Variants in DST observed in about 807,000 individuals in gnomAD.
The protein encoded by DST is bullous pemphigoid antigen.
In DST, 253 loss-of-function variants were observed where a neutral mutation model predicts 875.2. The ratio of observed to expected loss-of-function variants is 0.29; its 90% CI spans 0.26 to 0.32. DST has a LOEUF of 0.32. Ranked by LOEUF, DST falls within the 10% of genes least tolerant of loss-of-function variation. The pLI is 1.00. For synonymous variants in DST, 3,124 were observed against 3,197.1 expected, an observed-to-expected ratio of 0.98 and a Z score of 0.77; for missense variants, 8,287 against 9,111.6, an observed-to-expected ratio of 0.91 and a Z score of 3.68.
intron 4 of DST, among the ~76,000 whole-genome samples, chr6:56,797,316 C>A (rs565918566): frequency 2.0e-5 from 3 of 152,284 alleles, no homozygotes; most frequent in African/African-American, 7.2e-5. Flanking sequence ...TTCCCTGAAA[C>A]ACAACAGTAT....
At chr6:56,804,706 T>G (rs1352397068) in intron 4 of DST, among the ~76,000 whole-genome samples, 2 of 150,922 alleles carry the variant, frequency 1.3e-5, no homozygotes, top group Admixed American at 1.3e-4. Flanking sequence ...CCTCCCCAGA[T>G]CTTGTTAGAG....
At chr6:56,886,145 T>C (rs1264932918) in intron 3 of DST, among the ~76,000 whole-genome samples, 3 of 152,180 alleles carry the variant, frequency 2.0e-5, no homozygotes, top group Admixed American at 6.5e-5. Flanking sequence ...ATGAGTCACA[T>C]TGGGATACTG....
intron 4 of DST, among the ~76,000 whole-genome samples, chr6:56,824,143 C>T (rs1033995491): frequency 2.6e-5 from 4 of 151,554 alleles, no homozygotes; most frequent in Non-Finnish European, 4.4e-5. Context: ...CGAGTGCCTG[C>T]GATTGCAGGC....
At chr6:56,618,023 C>T in intron 36 of DST, 1 of 1,614,126 alleles carries the variant, frequency 6.2e-7, no homozygotes, top group Middle Eastern at 1.6e-4. Context: ...TTCCATTTCA[C>T]ATGCGTTATC....
chr6:56,599,221 C>G (rs560391227), intron 45 of DST, among the ~76,000 whole-genome samples: 42 of 152,190 alleles, frequency 2.8e-4, no homozygotes, highest in South Asian at 1.0e-3. Context: ...AGATTAAGAT[C>G]TCTCCTTAGT....
At chr6:56,688,805 C>T (rs540579743) in intron 9 of DST, among the ~76,000 whole-genome samples, 2 of 152,222 alleles carry the variant, frequency 1.3e-5, no homozygotes, top group Admixed American at 6.5e-5. Context: ...AAAAGAGCTA[C>T]GTTTTACTTA....
intron 99 of DST, among the ~76,000 whole-genome samples, chr6:56,465,697 G>A (rs1254994223): frequency 6.6e-6 from 1 of 151,840 alleles, no homozygotes; most frequent in Non-Finnish European, 1.5e-5. Context: ...TTATTATCCA[G>A]TATTTTCGGT....
chr6:56,736,469 T>C (rs1009336354), intron 4 of DST, among the ~76,000 whole-genome samples: 1 of 152,182 alleles, frequency 6.6e-6, no homozygotes, highest in Non-Finnish European at 1.5e-5. Flanking sequence ...CAGCAATTCC[T>C]TACTTTCTTA....
intron 4 of DST, among the ~76,000 whole-genome samples, chr6:56,780,326 G>A (rs2099690393): frequency 6.6e-6 from 1 of 151,926 alleles, no homozygotes; most frequent in South Asian, 2.1e-4. Flanking sequence ...GGTTGAACTA[G>A]TTTACAGTCC....
At chr6:56,717,775 A>G (rs2099400352) in intron 5 of DST, among the ~76,000 whole-genome samples, 1 of 144,964 alleles carries the variant, frequency 6.9e-6, no homozygotes, top group Admixed American at 6.8e-5. Flanking sequence ...ACCAATCTGC[A>G]GAAAGCACCC....
chr6:56,871,084 G>C, intron 3 of DST: 1 of 515,834 alleles, frequency 1.9e-6, no homozygotes. Context: ...ACATTTTGCA[G>C]AAGAGAAAAC....
At chr6:56,671,973 C>T (rs144773544) in intron 9 of DST, among the ~76,000 whole-genome samples, 2 of 152,122 alleles carry the variant, frequency 1.3e-5, no homozygotes, top group Non-Finnish European at 2.9e-5. Context: ...AAGCAGATAA[C>T]GTTTAGGACC....
chr6:56,891,493 G>A (rs183866426), intron 3 of DST, among the ~76,000 whole-genome samples: 2 of 151,778 alleles, frequency 1.3e-5, no homozygotes, highest in Non-Finnish European at 2.9e-5. Context: ...CGTGAACCGG[G>A]AGGTGGAGCT....
intron 3 of DST, among the ~76,000 whole-genome samples, chr6:56,883,646 T>C (rs926076270): frequency 6.6e-6 from 1 of 152,190 alleles, no homozygotes; most frequent in Non-Finnish European, 1.5e-5. Context: ...CCTTTCATTA[T>C]GGAAAATTTT....
intron 3 of DST, among the ~76,000 whole-genome samples, chr6:56,892,080 A>C (rs1441500212): frequency 1.3e-5 from 2 of 152,194 alleles, no homozygotes. Context: ...TGTACCCTGC[A>C]CATGTTTAAT....
rs1272703082 is a variant in DST at position 56,594,067 on chromosome 6, T to A, written c.12322A>T (p.Met4108Leu). 6.2e-7 allele frequency: 1 copy of A among 1,612,830 alleles called. No homozygotes were observed. The highest frequency in any genetic ancestry group is 1.1e-5 in the South Asian group (1 of 90,708). Residue 4108 changes from methionine to leucine, a missense_variant, in exon 48 of 104, where the codon ATG becomes TTG. By Grantham distance (15) the Met-to-Leu change is conservative. This residue lies in a region of DST where 1,513 missense variants were observed against 1,677.8 expected (regional missense o/e 0.90). Transcript: ENST00000680361. ...TCATAATGCACTTTCAGTTCCTTCA[T>A]GTTCTTTTGCAGTTTCTCTTTTTCT... ...PEEKEKLQKNMKELKVHYETA... is the reference protein window; with the variant it reads ...PEEKEKLQKNLKELKVHYETA...
chr6:56,800,831 C>T (rs1027027111), intron 4 of DST, among the ~76,000 whole-genome samples: 2 of 152,040 alleles, frequency 1.3e-5, no homozygotes, highest in African/African-American at 4.8e-5. Flanking sequence ...CCAGCCTGGG[C>T]AACATGGTGA....
At chr6:56,622,060 A>C (rs1051195762) in intron 36 of DST, among the ~76,000 whole-genome samples, 8 of 152,326 alleles carry the variant, frequency 5.3e-5, no homozygotes, top group Non-Finnish European at 1.0e-4. Flanking sequence ...CCTGTGACAC[A>C]TGAGCATTTT....
chr6:56,534,067 T>C (rs1030393610), intron 63 of DST, among the ~76,000 whole-genome samples: 5 of 152,194 alleles, frequency 3.3e-5, no homozygotes, highest in African/African-American at 9.7e-5. Context: ...ATCATTTTTT[T>C]GTGGTGAGGA....
Sources: allele counts gnomAD v4.1 joint callset (sites outside exome capture counted in the v4.1 genomes callset), GRCh38; gene constraint gnomAD v4.1.1; regional missense constraint gnomAD v4.1.1; transcripts MANE v1.5; gene names NCBI Gene and HGNC (gene_info 2026-07-23, HGNC 2026-07-21).